Variants in SYNPR observed in about 807,000 individuals in gnomAD.
SYNPR encodes the protein synaptoporin.
SYNPR carries 23 observed loss-of-function variants against 32.9 expected under a neutral mutation model. The observed-to-expected ratio is 0.70, with a 90% CI of 0.50 to 0.99. SYNPR has a LOEUF of 0.99. Ranked by LOEUF, SYNPR falls within the 50% of genes least tolerant of loss-of-function variation. SYNPR has a pLI of 0.00. For missense variants in SYNPR, 318 were observed against 349.3 expected, an observed-to-expected ratio of 0.91 and a Z score of 0.71; for synonymous variants, 146 against 135.9, an observed-to-expected ratio of 1.07 and a Z score of -0.52.
chr3:63,363,098 C>A (rs2107037820), intron 2 of SYNPR, among the ~76,000 whole-genome samples: 1 of 152,218 alleles, frequency 6.6e-6, no homozygotes, highest in African/African-American at 2.4e-5. Context: ...GAATAATGTT[C>A]TTGTGTACCT....
intron 3 of SYNPR, among the ~76,000 whole-genome samples, chr3:63,525,449 A>C (rs911811809): frequency 6.6e-6 from 1 of 152,154 alleles, no homozygotes; most frequent in Non-Finnish European, 1.5e-5. Flanking sequence ...GCCTTGACTA[A>C]GAACAAATGC....
Position 63,474,039 on chromosome 3 carries a change from A to T in SYNPR, c.85-6793A>T, listed in dbSNP as rs184055463. Among the ~76,000 whole-genome samples, 3 of 152,270 alleles carry T rather than the reference A, an allele frequency of 2.0e-5. No homozygotes were observed. The East Asian group carries it at 5.8e-4, about 29-fold the overall frequency. On this transcript the variant is annotated intron_variant, in intron 2 of 5. Transcript: ENST00000478300. ...AGCAATGATGGGAAGCACAATGACA[A>T]GTGGGCGGTGGGATGGGGAAGGAAG...
chr3:63,527,873 C>T (rs2106783902), intron 3 of SYNPR, among the ~76,000 whole-genome samples: 1 of 152,220 alleles, frequency 6.6e-6, no homozygotes. Flanking sequence ...CTTTATCTTC[C>T]CAATGTACAT....
At chr3:63,587,723 T>C (rs1227599400) in intron 4 of SYNPR, among the ~76,000 whole-genome samples, 1 of 152,086 alleles carries the variant, frequency 6.6e-6, no homozygotes, top group Non-Finnish European at 1.5e-5. Context: ...TATTTTTTAA[T>C]TTGGAGATGG....
chr3:63,411,013 T>C (rs967037523), intron 2 of SYNPR, among the ~76,000 whole-genome samples: 2 of 152,204 alleles, frequency 1.3e-5, no homozygotes, highest in African/African-American at 4.8e-5. Context: ...CTAAACAACT[T>C]CCCAGTATCT....
chr3:63,499,516 A>G (rs1490275991), intron 3 of SYNPR, among the ~76,000 whole-genome samples: 1 of 152,144 alleles, frequency 6.6e-6, no homozygotes, highest in Non-Finnish European at 1.5e-5. Context: ...GTCAAGACCA[A>G]AGAGGCAATG....
Position 63,610,136 on chromosome 3 carries a change from C to T in SYNPR, c.600+820C>T, listed in dbSNP as rs140632359. On this transcript the variant is annotated intron_variant, in intron 5 of 5. Coordinates refer to ENST00000478300, the MANE Select transcript of SYNPR (RefSeq NM_001130003.2). The stretch of plus-strand genomic sequence containing the variant: ...AGCTATGGTAATTTTTGAATTTTCT[C>T]CATGCTTCCGGTTTAGTTACTTTAT... 5.9e-5 allele frequency among the ~76,000 whole-genome samples: 9 copies of T among 152,250 alleles called. No homozygotes were observed. In the East Asian group the frequency reaches 1.7e-3, roughly 29 times the overall value.
chr3:63,246,522 A>C (rs2086291829), intron 1 of SYNPR, among the ~76,000 whole-genome samples: 1 of 152,082 alleles, frequency 6.6e-6, no homozygotes, highest in Non-Finnish European at 1.5e-5. Flanking sequence ...GAAATATGAG[A>C]CAGAGTGAAG....
At chr3:63,232,024 A>C (rs1465827150) in intron 1 of SYNPR, among the ~76,000 whole-genome samples, 1 of 152,122 alleles carries the variant, frequency 6.6e-6, no homozygotes, top group Non-Finnish European at 1.5e-5. Context: ...ATGAAAAGGC[A>C]GAAATCAAAG....
At chr3:63,256,021 G>T in intron 2 of SYNPR, among the ~76,000 whole-genome samples, 1 of 152,210 alleles carries the variant, frequency 6.6e-6, no homozygotes, top group African/African-American at 2.4e-5. Flanking sequence ...AAGGCTGGGG[G>T]AGGGGCGCCC....
chr3:63,237,412 A>T lies in SYNPR; in HGVS notation n.66+9032A>T, dbSNP rs1278049287. On this transcript the variant is annotated intron_variant and non_coding_transcript_variant, in intron 1 of 4. Transcript: ENST00000478456. ...ATTTCCATTTTGTTCTTTTTAATTGACAATTTTATTTCTTTGCTGAAATTT... is the reference window on the plus strand; with the variant it reads ...ATTTCCATTTTGTTCTTTTTAATTGTCAATTTTATTTCTTTGCTGAAATTT... 5.9e-5 allele frequency among the ~76,000 whole-genome samples: 9 copies of T among 151,822 alleles called. No individual in the cohort carries two copies. In the East Asian group the frequency reaches 1.7e-3, roughly 29 times the overall value.
chr3:63,511,693 G>A (rs139594452), intron 3 of SYNPR, among the ~76,000 whole-genome samples: 7 of 152,094 alleles, frequency 4.6e-5, no homozygotes, highest in Middle Eastern at 3.4e-3. Flanking sequence ...TTTTCTTAAC[G>A]GATAAATTAT....
chr3:63,211,712 T>C, the SYNPR span, among the ~76,000 whole-genome samples: 8 of 151,338 alleles, frequency 5.3e-5, no homozygotes, highest in Non-Finnish European at 1.0e-4. Context: ...ATCTTTCTTT[T>C]TTTTTTTTTA....
At chr3:63,318,572 A>G (rs189854145) in intron 2 of SYNPR, among the ~76,000 whole-genome samples, 2 of 151,948 alleles carry the variant, frequency 1.3e-5, no homozygotes, top group Non-Finnish European at 2.9e-5. Flanking sequence ...AGCATTTTAT[A>G]TTTCTAAAAG....
At chr3:63,419,019 T>G (rs1363626688) in intron 2 of SYNPR, among the ~76,000 whole-genome samples, 1 of 152,184 alleles carries the variant, frequency 6.6e-6, no homozygotes, top group Non-Finnish European at 1.5e-5. Context: ...TGACTGTACA[T>G]TCTCTCCACT....
intron 2 of SYNPR, among the ~76,000 whole-genome samples, chr3:63,334,238 T>A (rs1053546686): frequency 6.6e-6 from 1 of 152,308 alleles, no homozygotes; most frequent in South Asian, 2.1e-4. Context: ...GGCAAATCTA[T>A]GTGCTTGTAA....
intron 3 of SYNPR, among the ~76,000 whole-genome samples, chr3:63,501,346 G>A (rs1005975316): frequency 1.3e-5 from 2 of 151,854 alleles, no homozygotes; most frequent in African/African-American, 4.8e-5. Context: ...GAGAATGGTG[G>A]CATGCCCCTG....
At chr3:63,610,457 A>C in intron 5 of SYNPR, 1 of 693,310 alleles carries the variant, frequency 1.4e-6, no homozygotes, top group South Asian at 1.5e-5. Context: ...CTTCAAGATT[A>C]ACCTGTGTTT....
At chr3:63,492,277 G>GA (rs555078062) in intron 3 of SYNPR, among the ~76,000 whole-genome samples, 5 of 152,128 alleles carry the variant, frequency 3.3e-5, no homozygotes, top group Non-Finnish European at 5.9e-5. Flanking sequence ...ACCAGATGAT[G>GA]ACTACCACAG....
Sources: gnomAD v4.1 joint callset for allele counts (sites outside exome capture counted in the v4.1 genomes callset) on GRCh38, gnomAD v4.1.1 for gene constraint, MANE v1.5 for transcripts, NCBI Gene and HGNC (gene_info 2026-07-23, HGNC 2026-07-21) for gene names.